CDC42EP3: variants seen among roughly 807,000 people sequenced by gnomAD.
The protein encoded by CDC42EP3 is CDC42 effector protein (Rho GTPase binding) 3.
In CDC42EP3, 4 loss-of-function variants were observed where a neutral mutation model predicts 15.5. That is an observed-to-expected ratio of 0.26 (90% CI 0.13 to 0.59). The LOEUF is 0.59. CDC42EP3 is among the 20% of genes least tolerant of loss of function. The pLI is 0.89. For missense variants in CDC42EP3, 309 were observed against 311.2 expected (o/e 0.99, Z 0.05); for synonymous variants, 145 against 130.3 (o/e 1.11, Z -0.77).
rs555440698 is a variant in CDC42EP3 at position 37,648,127 on chromosome 2, T to C, written c.-235-1305A>G. Among the ~76,000 whole-genome samples the C allele has an allele frequency of 8.5e-5, 13 of 152,274 alleles. No individual in the cohort carries two copies. The South Asian group carries it at 2.3e-3, about 27-fold the overall frequency. On this transcript the variant is annotated intron_variant, in intron 1 of 1. Coordinates refer to ENST00000295324, the MANE Select transcript of CDC42EP3 (RefSeq NM_006449.5). ...AGGGATGAGCTACAAGGCATTGGGG[T>C]TGTAATGTGCTCTTTTGCCAATGAG...
chr2:37,672,607 T>A (rs1249269650), upstream of CDC42EP3: 5 of 152,138 alleles, frequency 3.3e-5, no homozygotes, highest in African/African-American at 1.2e-4. Flanking sequence ...CTAATTTTCT[T>A]AATCGGCCTC....
At chr2:37,660,523 A>G (rs1408243840) in intron 1 of CDC42EP3, among the ~76,000 whole-genome samples, 1 of 152,240 alleles carries the variant, frequency 6.6e-6, no homozygotes, top group Non-Finnish European at 1.5e-5. Flanking sequence ...GATCTCTTAC[A>G]GTAGCCCCTG....
chr2:37,650,860 TG>T (rs1665651419), intron 1 of CDC42EP3, among the ~76,000 whole-genome samples: 1 of 152,216 alleles, frequency 6.6e-6, no homozygotes, highest in African/African-American at 2.4e-5. Context: ...GTAGAGGCAG[TG>T]GGGCAATATC....
intron 1 of CDC42EP3, among the ~76,000 whole-genome samples, chr2:37,653,048 G>A (rs1175762213): frequency 3.9e-5 from 6 of 152,096 alleles, no homozygotes; most frequent in African/African-American, 1.2e-4. Flanking sequence ...CTTGGATCAT[G>A]GTTTGTTCCT....
intron 1 of CDC42EP3, among the ~76,000 whole-genome samples, chr2:37,649,632 G>A (rs1356958331): frequency 6.6e-6 from 1 of 151,414 alleles, no homozygotes; most frequent in Non-Finnish European, 1.5e-5. Context: ...GGGAGGGAGG[G>A]CCCAGTCGGT....
chr2:37,656,981 C>T (rs1390013289), intron 1 of CDC42EP3, among the ~76,000 whole-genome samples: 2 of 74,464 alleles, frequency 2.7e-5, no homozygotes, highest in Non-Finnish European at 4.8e-5. Flanking sequence ...GTAACAAAGC[C>T]CCCCCCCCAC....
intron 1 of CDC42EP3, among the ~76,000 whole-genome samples, chr2:37,666,207 T>C (rs72795742): frequency 0.12 from 17,794 of 152,232 alleles, 1,197 homozygotes; most frequent in South Asian, 0.18. Context: ...TCCCAGAGTG[T>C]GTTTCCTGCC....
chr2:37,652,741 A>T (rs755223704), intron 1 of CDC42EP3, among the ~76,000 whole-genome samples: 15 of 147,534 alleles, frequency 1.0e-4, no homozygotes, highest in Non-Finnish European at 2.0e-4. Context: ...ATTAAAAACA[A>T]TTTTTTTTTT....
rs1461582992 is a variant in CDC42EP3, at chr2:37,643,920, T to C, written c.*1903A>G. ...CCCTAGGGCAAGCTTGTCCAACCTG[T>C]GGCCCGCATGAAGTCCAACACAAAT... is the stretch of plus-strand genomic sequence containing the variant. On this transcript the variant is annotated 3_prime_UTR_variant, in exon 2 of 2. Coordinates refer to ENST00000295324, the MANE Select transcript of CDC42EP3 (RefSeq NM_006449.5). 1 of 151,136 alleles carries C rather than the reference T, an allele frequency of 6.6e-6. No individual in the cohort carries two copies. Among genetic ancestry groups the C allele is most frequent in the Non-Finnish European group, 1.5e-5 (1 of 67,858 alleles). 9.4% of individuals were successfully genotyped at this position (151,136 alleles called of 1,614,324 possible).
intron 1 of CDC42EP3, among the ~76,000 whole-genome samples, chr2:37,650,015 G>A (rs992725107): frequency 6.6e-6 from 1 of 151,458 alleles, no homozygotes; most frequent in African/African-American, 2.4e-5. Context: ...AATTGAATCT[G>A]AATTGCCAAT....
At chr2:37,651,290 G>A (rs1050023598) in intron 1 of CDC42EP3, among the ~76,000 whole-genome samples, 28 of 152,150 alleles carry the variant, frequency 1.8e-4, no homozygotes, top group African/African-American at 6.5e-4. Flanking sequence ...ATCCTTTTAT[G>A]ATTTTGGATT....
intron 1 of CDC42EP3, among the ~76,000 whole-genome samples, chr2:37,666,506 A>G (rs755241611): frequency 6.6e-6 from 1 of 152,244 alleles, no homozygotes; most frequent in Non-Finnish European, 1.5e-5. Context: ...CAATATGGAA[A>G]TAAAACCCAA....
chr2:37,668,817 A>G (rs1666320105), intron 1 of CDC42EP3, among the ~76,000 whole-genome samples: 1 of 152,226 alleles, frequency 6.6e-6, no homozygotes, highest in Non-Finnish European at 1.5e-5. Flanking sequence ...CTTGACACAT[A>G]GGACGGGCTC....
chr2:37,671,270 G>T (rs575907338), intron 1 of CDC42EP3, among the ~76,000 whole-genome samples, 156 bp downstream of exon 1: 1 of 152,222 alleles, frequency 6.6e-6, no homozygotes, highest in South Asian at 2.1e-4. Context: ...CCTTCGTTCC[G>T]TTGGACACTA....
rs2124604808 is a variant in CDC42EP3, at chr2:37,644,752, G to A, written c.*1071C>T. 1 of 152,212 alleles carries A rather than the reference G, an allele frequency of 6.6e-6. No homozygotes were observed. Among genetic ancestry groups the A allele is most frequent in the South Asian group, 2.1e-4 (1 of 4,818 alleles). The allele number at this position is 152,212 out of a possible 1,614,324, so 9.4% of individuals were successfully genotyped here. ...AGATGGAAATCATCTCTTACCTTAA[G>A]GGCTCATGTACATTTCAGAGAAGCA... On this transcript the variant is annotated 3_prime_UTR_variant, in exon 2 of 2. Transcript: ENST00000295324.
intron 1 of CDC42EP3, among the ~76,000 whole-genome samples, chr2:37,670,093 T>C (rs573774203): frequency 6.6e-6 from 1 of 152,326 alleles, no homozygotes; most frequent in East Asian, 1.9e-4. Context: ...AGAGCTTGTG[T>C]AAATTAGAAC....
chr2:37,646,684 ACAT>A lies in CDC42EP3; in HGVS notation c.-100_-98del. On this transcript the variant is annotated 5_prime_UTR_variant, in exon 2 of 2. An upstream start codon of the reference 5' UTR is lost. Coordinates refer to ENST00000295324, the MANE Select transcript of CDC42EP3 (RefSeq NM_006449.5). ...TGAATCCTTTTTGATAGGAACTGTC[ACAT>A]CATTTTTCTCAAGTGGCTTCAGAAG... is the stretch of plus-strand genomic sequence containing the variant. The A allele has an allele frequency of 8.2e-7, 1 of 1,212,538 alleles. No homozygotes were observed. Among genetic ancestry groups the A allele is most frequent in the South Asian group, 1.6e-5 (1 of 64,368 alleles). 75.1% of individuals were successfully genotyped at this position (1,212,538 alleles called of 1,614,324 possible).
At chr2:37,648,728 T>G (rs1665563433) in intron 1 of CDC42EP3, among the ~76,000 whole-genome samples, 1 of 152,070 alleles carries the variant, frequency 6.6e-6, no homozygotes, top group Non-Finnish European at 1.5e-5. Flanking sequence ...TGGGTCTTGT[T>G]GTGGTAACAA....
At chr2:37,664,380 T>A (rs913786731) in intron 1 of CDC42EP3, among the ~76,000 whole-genome samples, 1 of 152,218 alleles carries the variant, frequency 6.6e-6, no homozygotes, top group Non-Finnish European at 1.5e-5. Flanking sequence ...GGCTGCACTG[T>A]TGGCTTCCCT....
Sources: gnomAD v4.1 joint callset for allele counts (sites outside exome capture counted in the v4.1 genomes callset) on GRCh38, gnomAD v4.1.1 for gene constraint, MANE v1.5 for transcripts, NCBI Gene and HGNC (gene_info 2026-07-23, HGNC 2026-07-21) for gene names.